The following SLC12A3 variants were observed in gnomAD, a reference collection of about 807,000 sequenced individuals.
SLC12A3 encodes Na-Cl cotransporter.
Under a neutral mutation model 121.0 loss-of-function variants are expected in SLC12A3, and 104 were observed. The ratio of observed to expected loss-of-function variants is 0.86; its 90% confidence interval spans 0.73 to 1.01. The LOEUF (loss-of-function observed/expected upper bound fraction) is 1.01. Ranked by LOEUF, SLC12A3 falls within the 50% of genes least tolerant of loss-of-function variation. The pLI is 0.00. For missense variants in SLC12A3, 1,328 were observed against 1,356.3 expected (o/e 0.98, Z 0.33); for synonymous variants, 536 against 533.4 (o/e 1.00, Z -0.07).
intron 18 of SLC12A3, 45 bp from the exon 19 acceptor site, chr16:56,890,229 G>T: frequency 6.6e-7 from 1 of 1,518,552 alleles, no homozygotes; most frequent in Non-Finnish European, 9.1e-7. Context: ...CACCTCCCCA[G>T]TGGGAGCTGG....
intron 15 of SLC12A3, 109 bp from the exon 16 acceptor site, chr16:56,886,255 C>A: frequency 1.3e-6 from 1 of 759,782 alleles, no homozygotes; most frequent in South Asian, 1.5e-5. Flanking sequence ...CATGTAGGGT[C>A]ATGCTGGTGG....
At position 56,865,276 on chromosome 16, in the gene SLC12A3, C is replaced by T. The variant is rs1240433099; in HGVS notation, c.41C>T (p.Thr14Ile). The T allele has an allele frequency of 1.2e-6, 2 of 1,613,854 alleles. No individual in the cohort carries two copies. The highest frequency in any genetic ancestry group is 1.7e-6 in the Non-Finnish European group (2 of 1,180,054). ...ACAACAGAGACGCCTGGGGACGCCA[C>T]TTTGTGCAGCGGGCGCTTCACCATC... ...LPTTETPGDATLCSGRFTIST... is the reference protein window; with the variant it reads ...LPTTETPGDAILCSGRFTIST... The change falls in exon 1 of 26, where the codon ACT becomes ATT. Residue 14 changes from threonine (T) to isoleucine (I), a missense_variant. Thr to Ile is a moderately conservative substitution (Grantham distance 89). Transcript: ENST00000563236.
rs575407092 is a variant in SLC12A3, at chr16:56,893,134, C to A, written c.2521+80C>A. 2.5e-6 allele frequency: 3 copies of A among 1,223,412 alleles called. No individual in the cohort carries two copies. The South Asian group carries it at 3.9e-5, about 16-fold the overall frequency. 75.8% of individuals were successfully genotyped at this position (1,223,412 alleles called of 1,614,324 possible). On this transcript the variant is annotated intron_variant, in intron 21 of 25. Transcript: ENST00000563236. ...GTCTTCCTTCCTTCTCCTTCCTGGC[C>A]TGCTCTCAAAGGGGACAGGGGCTCC...
chr16:56,885,220 A>G, intron 14 of SLC12A3, 45 bp from the exon 15 acceptor site: 1 of 1,172,194 alleles, frequency 8.5e-7, no homozygotes, highest in Non-Finnish European at 1.2e-6. Flanking sequence ...TCCTCTAGTG[A>G]TTCCTAACTC....
intron 25 of SLC12A3, among the ~76,000 whole-genome samples, chr16:56,910,472 G>C (rs2144786540): frequency 6.6e-6 from 1 of 152,198 alleles, no homozygotes; most frequent in East Asian, 1.9e-4. Flanking sequence ...GAGTAGCTGG[G>C]ACTACAGGCA....
chr16:56,889,369 C>G (rs1208474867), intron 18 of SLC12A3, among the ~76,000 whole-genome samples: 4 of 152,212 alleles, frequency 2.6e-5, no homozygotes, highest in Admixed American at 2.6e-4. Context: ...GAGGGCAGTG[C>G]GCAGCCCATT....
At chr16:56,876,227 A>G (rs559018582) in intron 8 of SLC12A3, among the ~76,000 whole-genome samples, 13 of 152,116 alleles carry the variant, frequency 8.5e-5, no homozygotes, top group Admixed American at 7.8e-4. Flanking sequence ...CAGTCATTGC[A>G]TTTGGGGCCC....
intron 13 of SLC12A3, among the ~76,000 whole-genome samples, chr16:56,882,717 C>T (rs769854804): frequency 4.6e-5 from 7 of 151,950 alleles, no homozygotes; most frequent in South Asian, 2.1e-4. Context: ...CGGAGGTGGG[C>T]GGATCACTTG....
rs1297276533 is a variant in SLC12A3 at position 56,914,563 on chromosome 16, C to T, written c.*1158C>T. On this transcript the variant is annotated 3_prime_UTR_variant, in exon 26 of 26. Transcript: ENST00000563236. ...CTGTTGTGCCTTGCATTTGTCCACACACAGGGAGTCTGGCTGAGCTGGGGA... is the reference window on the plus strand; with the variant it reads ...CTGTTGTGCCTTGCATTTGTCCACATACAGGGAGTCTGGCTGAGCTGGGGA... The T allele has an allele frequency of 6.6e-6, 1 of 152,236 alleles. No homozygotes were observed. Among genetic ancestry groups the T allele is most frequent in the Non-Finnish European group, 1.5e-5 (1 of 68,046 alleles). 9.4% of individuals were successfully genotyped at this position (152,236 alleles called of 1,614,324 possible).
rs2055252007 is a variant in SLC12A3 at position 56,882,342 on chromosome 16, G to A, written c.1568-54G>A. On this transcript the variant is annotated intron_variant, in intron 12 of 25. Transcript: ENST00000563236. ...CCCTGGGAAGGAGGGTGCCAAGCCA[G>A]TCCTTGGCAGAGTTGCCCAACAGGC... 6.8e-6 allele frequency: 10 copies of A among 1,466,442 alleles called. No homozygotes were observed. In the Admixed American group the frequency reaches 1.2e-4, roughly 17 times the overall value. The allele number at this position is 1,466,442 out of a possible 1,614,324, so 90.8% of individuals were successfully genotyped here.
rs749206626 is a variant in SLC12A3 at position 56,888,549 on chromosome 16, A to ATTTTTT, written c.2285+540_2285+545dup. Among the ~76,000 whole-genome samples the ATTTTTT allele has an allele frequency of 1.6e-3, 136 of 85,922 alleles. 6 individuals are homozygous for ATTTTTT. Among genetic ancestry groups the ATTTTTT allele is most frequent in the Non-Finnish European group, 2.2e-3 (107 of 48,250 alleles). The allele number at this position is 85,922 out of a possible 152,430, so 56.4% of individuals were successfully genotyped here. A position where few individuals can be genotyped will look rare whatever the true frequency, so the allele number is the denominator to read the frequency against. On this transcript the variant is annotated intron_variant, in intron 18 of 25. Coordinates refer to ENST00000563236, the MANE Select transcript of SLC12A3 (RefSeq NM_001126108.2). ...GGGCCCAATGTTGCCAGATCTTTTA[A>ATTTTTT]TTTTTTTTTTTTTTTTTTTTTTTTT... is the stretch of plus-strand genomic sequence containing the variant.
rs143109356 is a variant in SLC12A3, at chr16:56,891,672, C to A, written c.2369-411C>A. ...GAAGCTGACGCTCCAGAGGGAAAAG[C>A]AGACACTTGCCAGTGGACCCATAAG... is the stretch of plus-strand genomic sequence containing the variant. On this transcript the variant is annotated intron_variant, in intron 19 of 25. Coordinates refer to ENST00000563236, the MANE Select transcript of SLC12A3 (RefSeq NM_001126108.2). Among the ~76,000 whole-genome samples the A allele has an allele frequency of 3.7e-3, 560 of 152,326 alleles. 4 individuals are homozygous for A. The highest frequency in any genetic ancestry group is 8.1e-3 in the Admixed American group (124 of 15,308).
At chr16:56,900,387 T>C (rs1376991959) in intron 23 of SLC12A3, among the ~76,000 whole-genome samples, 2 of 151,552 alleles carry the variant, frequency 1.3e-5, no homozygotes, top group East Asian at 3.9e-4. Context: ...CCAAGGAGAG[T>C]AGGATTGTCT....
chr16:56,899,569 T>G lies in SLC12A3; in HGVS notation c.2673T>G (p.His891Gln). 1 of 1,614,164 alleles carries G rather than the reference T, an allele frequency of 6.2e-7. No homozygotes were observed. The highest frequency in any genetic ancestry group is 8.5e-7 in the Non-Finnish European group (1 of 1,179,972). The stretch of plus-strand genomic sequence containing the variant: ...TGAGCAAGTTCCGACTGGGATTCCA[T>G]GAAGTCCACATCCTCCCTGACATCA... The part of the protein sequence containing the change: ...SLLSKFRLGF[H>Q]EVHILPDINQ... Residue 891 changes from histidine (H) to glutamine (Q), a missense_variant, in exon 23 of 26, where the codon CAT (histidine) becomes CAG (glutamine). Physicochemically the swap from His to Gln is conservative, Grantham distance 24. Coordinates refer to ENST00000563236, the MANE Select transcript of SLC12A3 (RefSeq NM_001126108.2).
chr16:56,909,795 G>GA (rs55674033), intron 25 of SLC12A3, among the ~76,000 whole-genome samples: 9,755 of 148,184 alleles, frequency 0.066, 989 homozygotes, highest in African/African-American at 0.22. Flanking sequence ...CTGAGGAAGG[G>GA]AAAAAAAAAA....
chr16:56,872,421 C>T lies in SLC12A3; in HGVS notation c.923C>T (p.Pro308Leu). The T allele has an allele frequency of 6.2e-7, 1 of 1,614,120 alleles. No individual in the cohort carries two copies. The highest frequency in any genetic ancestry group is 2.2e-5 in the East Asian group (1 of 44,872). The change falls in exon 7 of 26, where the codon CCA becomes CTA. Residue 308 changes from proline to leucine, a missense_variant. Coordinates refer to ENST00000563236, the MANE Select transcript of SLC12A3 (RefSeq NM_001126108.2). Reference protein sequence around the residue: ...ANYLVGTLIPPSEDKASKGFF... With the variant: ...ANYLVGTLIPLSEDKASKGFF... ...TATTTAGTGGGGACGCTGATCCCCC[C>T]ATCTGAGGACAAGGCCTCCAAAGGC...
At chr16:56,870,551 C>T (rs2055079096) in intron 5 of SLC12A3, 75 bp from the exon 6 acceptor site, 2 of 1,017,088 alleles carry the variant, frequency 2.0e-6, no homozygotes, top group Non-Finnish European at 3.1e-6. Context: ...CAGGAGGTGC[C>T]TCCTAGGTGG....
chr16:56,865,851 G>A (rs1305477853), intron 1 of SLC12A3, among the ~76,000 whole-genome samples: 4 of 152,218 alleles, frequency 2.6e-5, no homozygotes, highest in Admixed American at 6.5e-5. Flanking sequence ...GAGAGGGCTC[G>A]CCGGGTTTGC....
At chr16:56,907,965 A>G (rs2055629549) in intron 25 of SLC12A3, among the ~76,000 whole-genome samples, 1 of 152,120 alleles carries the variant, frequency 6.6e-6, no homozygotes, top group Non-Finnish European at 1.5e-5. Flanking sequence ...ATGATTCCTA[A>G]TATCCTATGC....
Sources: allele counts gnomAD v4.1 joint callset (sites outside exome capture counted in the v4.1 genomes callset), GRCh38; gene constraint gnomAD v4.1.1; transcripts MANE v1.5; gene names NCBI Gene and HGNC (gene_info 2026-07-23, HGNC 2026-07-21).